FHIT: variants seen among roughly 807,000 people sequenced by gnomAD.
FHIT encodes bis(5'-adenosyl)-triphosphatase.
FHIT carries 19 observed loss-of-function variants against 17.9 expected under a neutral mutation model. The ratio of observed to expected loss-of-function variants is 1.06; its 90% CI spans 0.74 to 1.56. The LOEUF is 1.56. Among genes scored for constraint, FHIT ranks in the 40% most tolerant of loss-of-function variants. FHIT has a pLI of 0.00. For missense variants in FHIT, 248 were observed against 189.2 expected (o/e 1.31, Z -1.82); for synonymous variants, 81 against 69.7 (o/e 1.16, Z -0.81).
At chr3:60,825,282 G>T (rs1414114791) in intron 3 of FHIT, among the ~76,000 whole-genome samples, 1 of 151,980 alleles carries the variant, frequency 6.6e-6, no homozygotes, top group Non-Finnish European at 1.5e-5. Context: ...TGACCTAAAA[G>T]TCACCCTTAA....
At chr3:60,472,216 C>T (rs2033124009) in intron 5 of FHIT, among the ~76,000 whole-genome samples, 1 of 151,660 alleles carries the variant, frequency 6.6e-6, no homozygotes, top group African/African-American at 2.4e-5. Context: ...AAGAAAAAAG[C>T]ATTTCAATGA....
At chr3:60,385,397 C>T (rs370194999) in intron 5 of FHIT, among the ~76,000 whole-genome samples, 7 of 152,258 alleles carry the variant, frequency 4.6e-5, no homozygotes, top group African/African-American at 1.4e-4. Context: ...TGCAGGAAAT[C>T]AAAAGCAGCC....
chr3:59,955,634 C>A (rs909861539), intron 7 of FHIT, among the ~76,000 whole-genome samples: 1 of 152,172 alleles, frequency 6.6e-6, no homozygotes, highest in Non-Finnish European at 1.5e-5. Flanking sequence ...ACTGAACTCT[C>A]CATTGCCCCA....
chr3:60,199,456 A>T (rs1372321163), intron 5 of FHIT, among the ~76,000 whole-genome samples: 1 of 152,132 alleles, frequency 6.6e-6, no homozygotes, highest in African/African-American at 2.4e-5. Context: ...GAGTTGAGAG[A>T]CTGCCAGCTC....
At chr3:60,837,726 T>C (rs1328608791) in intron 3 of FHIT, among the ~76,000 whole-genome samples, 1 of 152,166 alleles carries the variant, frequency 6.6e-6, no homozygotes, top group Non-Finnish European at 1.5e-5. Context: ...TGAACACTTT[T>C]TGGAATTCTG....
At chr3:60,822,643 C>T (rs73109670) in intron 3 of FHIT, among the ~76,000 whole-genome samples, 6,312 of 152,118 alleles carry the variant, frequency 0.041, 157 homozygotes, top group South Asian at 0.063. Context: ...CTCTATCAAA[C>T]GGGTATAATA....
At chr3:60,703,996 TA>T (rs534854329) in intron 4 of FHIT, among the ~76,000 whole-genome samples, 6,724 of 151,868 alleles carry the variant, frequency 0.044, 520 homozygotes, top group African/African-American at 0.15. Flanking sequence ...AATTTTTTTT[TA>T]AAAAAAATCT....
rs553898345 is a variant in FHIT at position 60,278,744 on chromosome 3, A to G, written c.103+258116T>C. Among the ~76,000 whole-genome samples the G allele has an allele frequency of 5.9e-5, 9 of 152,170 alleles. No homozygotes were observed. The South Asian group carries it at 1.9e-3, about 32-fold the overall frequency. Reference sequence around the variant, plus strand: ...ACAAAAAAAAAAATTCTTAGTTCCCATCACTCGAGGTATTATTTCCAGCTT... The same window carrying G: ...ACAAAAAAAAAAATTCTTAGTTCCCGTCACTCGAGGTATTATTTCCAGCTT... On this transcript the variant is annotated intron_variant, in intron 5 of 9. Coordinates refer to ENST00000492590, the MANE Select transcript of FHIT (RefSeq NM_002012.4).
intron 7 of FHIT, among the ~76,000 whole-genome samples, chr3:59,998,875 T>TAGACTGCACGGC (rs1327686081): frequency 6.6e-6 from 1 of 152,162 alleles, no homozygotes; most frequent in East Asian, 1.9e-4. Flanking sequence ...TATTCGCAAT[T>TAGACTGCACGGC]AGACTGCACG....
chr3:60,484,937 A>G (rs2033771079), intron 5 of FHIT, among the ~76,000 whole-genome samples: 2 of 152,206 alleles, frequency 1.3e-5, no homozygotes, highest in African/African-American at 2.4e-5. Flanking sequence ...CAGAACTTAC[A>G]AGGAACTTAA....
chr3:60,726,315 G>A (rs1038225426), intron 4 of FHIT, among the ~76,000 whole-genome samples: 1 of 152,116 alleles, frequency 6.6e-6, no homozygotes, highest in Admixed American at 6.6e-5. Flanking sequence ...ATTAGAAATC[G>A]AGATATGAAG....
intron 5 of FHIT, among the ~76,000 whole-genome samples, chr3:60,472,874 C>T (rs772304027): frequency 1.5e-4 from 23 of 152,058 alleles, no homozygotes; most frequent in Non-Finnish European, 2.2e-4. Flanking sequence ...CAGTAATTAT[C>T]GTATCTCAAT....
chr3:59,977,003 T>G (rs1332118939), intron 7 of FHIT, among the ~76,000 whole-genome samples: 2 of 152,020 alleles, frequency 1.3e-5, no homozygotes, highest in Admixed American at 1.3e-4. Flanking sequence ...GGTCTCTGGG[T>G]GGGTGGATCA....
At chr3:59,793,141 C>G (rs1411870756) in intron 8 of FHIT, among the ~76,000 whole-genome samples, 1 of 152,100 alleles carries the variant, frequency 6.6e-6, no homozygotes, top group Non-Finnish European at 1.5e-5. Context: ...ATGAAAATTG[C>G]AAAGCCTTCC....
chr3:60,205,844 C>T (rs1476875005), intron 5 of FHIT, among the ~76,000 whole-genome samples: 1 of 151,836 alleles, frequency 6.6e-6, no homozygotes, highest in Admixed American at 6.6e-5. Context: ...CGCGGTGGCT[C>T]ACGCCTGTAA....
rs533571318 is a variant in FHIT at position 60,889,119 on chromosome 3, C to T, written c.-110-67108G>A. Among the ~76,000 whole-genome samples, 23 of 152,298 alleles carry T rather than the reference C, an allele frequency of 1.5e-4. No homozygotes were observed. The Middle Eastern group carries it at 0.027, about 180-fold the overall frequency. ...CTCCACCCTGACTCATTCTGATTAC[C>T]TGCTACCTGCTCTGCCCTGACTCAT... On this transcript the variant is annotated intron_variant, in intron 3 of 9. Coordinates refer to ENST00000492590, the MANE Select transcript of FHIT (RefSeq NM_002012.4).
intron 5 of FHIT, among the ~76,000 whole-genome samples, chr3:60,389,792 C>T (rs1701150661): frequency 6.6e-6 from 1 of 152,152 alleles, no homozygotes; most frequent in East Asian, 1.9e-4. Flanking sequence ...GTCTACTATA[C>T]ACCTGTCAGA....
At chr3:60,085,991 A>G (rs1460161827) in intron 5 of FHIT, among the ~76,000 whole-genome samples, 1 of 152,130 alleles carries the variant, frequency 6.6e-6, no homozygotes. Context: ...TAAAGAAAAG[A>G]GGTTTATTTG....
chr3:60,004,274 G>C (rs1166767718), intron 7 of FHIT, among the ~76,000 whole-genome samples: 1 of 152,060 alleles, frequency 6.6e-6, no homozygotes, highest in African/African-American at 2.4e-5. Context: ...ATAAAACACT[G>C]AATGTCCCTA....
Sources: allele counts gnomAD v4.1 joint callset (sites outside exome capture counted in the v4.1 genomes callset), GRCh38; gene constraint gnomAD v4.1.1; transcripts MANE v1.5; gene names NCBI Gene and HGNC (gene_info 2026-07-23, HGNC 2026-07-21).